Variants in MRPS6 observed in about 807,000 individuals in gnomAD.
MRPS6 encodes small ribosomal subunit protein bS6m.
MRPS6 carries 6 observed loss-of-function variants against 13.1 expected under a neutral mutation model. The ratio of observed to expected loss-of-function variants is 0.46; its 90% confidence interval spans 0.25 to 0.91. The LOEUF (loss-of-function observed/expected upper bound fraction) is 0.91. MRPS6 is among the 40% of genes least tolerant of loss of function. MRPS6 has a pLI of 0.18. For missense variants in MRPS6, 164 were observed against 155.6 expected, an observed-to-expected ratio of 1.05 and a Z score of -0.29; for synonymous variants, 61 against 56.5, an observed-to-expected ratio of 1.08 and a Z score of -0.36.
At chr21:34,077,797 A>G (rs1190045158) in intron 1 of MRPS6, among the ~76,000 whole-genome samples, 1 of 152,224 alleles carries the variant, frequency 6.6e-6, no homozygotes, top group African/African-American at 2.4e-5. Context: ...ATAGAAAAGT[A>G]TAATCAGTTC....
chr21:34,103,971 G>A (rs1979361746), intron 1 of MRPS6: 3 of 999,904 alleles, frequency 3.0e-6, no homozygotes, highest in Non-Finnish European at 1.2e-6. Context: ...AGTGTGATTG[G>A]GGTTTTTTGT....
At chr21:34,112,934 A>G (rs1374891422) in intron 1 of MRPS6, among the ~76,000 whole-genome samples, 1 of 152,114 alleles carries the variant, frequency 6.6e-6, no homozygotes, top group Non-Finnish European at 1.5e-5. Flanking sequence ...AGGTGGGTGG[A>G]TCGCTTGACG....
intron 2 of MRPS6, among the ~76,000 whole-genome samples, chr21:34,130,698 G>A (rs1438757455): frequency 6.6e-6 from 1 of 152,204 alleles, no homozygotes; most frequent in Non-Finnish European, 1.5e-5. Flanking sequence ...TATTGCTCCA[G>A]CTTTCAAACA....
At chr21:34,106,861 A>C (rs909278421) in intron 1 of MRPS6, among the ~76,000 whole-genome samples, 2 of 151,828 alleles carry the variant, frequency 1.3e-5, no homozygotes, top group East Asian at 1.9e-4. Flanking sequence ...CATTGCATTT[A>C]GCTTTTATGT....
chr21:34,080,887 A>G, intron 1 of MRPS6, among the ~76,000 whole-genome samples: 1 of 152,358 alleles, frequency 6.6e-6, no homozygotes, highest in East Asian at 1.9e-4. Context: ...AAGTCAGTGC[A>G]CTTCGCTCAC....
intron 1 of MRPS6, among the ~76,000 whole-genome samples, chr21:34,090,804 C>G (rs1978645806): frequency 6.6e-6 from 1 of 152,038 alleles, no homozygotes; most frequent in Non-Finnish European, 1.5e-5. Flanking sequence ...GAAGTTGTTG[C>G]CTGAGATCCT....
intron 2 of MRPS6, among the ~76,000 whole-genome samples, chr21:34,134,088 T>G (rs1323044289): frequency 6.6e-6 from 1 of 152,210 alleles, no homozygotes; most frequent in African/African-American, 2.4e-5. Flanking sequence ...GATTTGAGGT[T>G]GATCACACTA....
At chr21:34,074,795 A>G (rs1424837478) in intron 1 of MRPS6, among the ~76,000 whole-genome samples, 2 of 152,256 alleles carry the variant, frequency 1.3e-5, no homozygotes, top group African/African-American at 4.8e-5. Flanking sequence ...ATTAGGCTCC[A>G]GGTCAATTGC....
intron 1 of MRPS6, among the ~76,000 whole-genome samples, chr21:34,078,241 A>G (rs1989379831): frequency 6.6e-6 from 1 of 152,246 alleles, no homozygotes; most frequent in East Asian, 1.9e-4. Flanking sequence ...GCAACTTAAA[A>G]TAGTTACCTA....
chr21:34,120,381 G>A (rs1980076794), intron 1 of MRPS6, among the ~76,000 whole-genome samples: 1 of 152,148 alleles, frequency 6.6e-6, no homozygotes, highest in Non-Finnish European at 1.5e-5. Flanking sequence ...ATATGTTCTT[G>A]TTTACAAAAT....
chr21:34,130,385 C>G (rs1230302557), intron 2 of MRPS6, among the ~76,000 whole-genome samples: 1 of 152,126 alleles, frequency 6.6e-6, no homozygotes, highest in Non-Finnish European at 1.5e-5. Context: ...GGGCAGTCTG[C>G]ATGGTGACTG....
At chr21:34,095,277 G>A (rs766918038) in intron 1 of MRPS6, 1 of 1,614,002 alleles carries the variant, frequency 6.2e-7, no homozygotes, top group Non-Finnish European at 8.5e-7. Context: ...TGGTTTTTTT[G>A]CCATGTGGAA....
rs368599156 is a variant in MRPS6, at chr21:34,116,853, G to C, written c.46-8488G>C. ...AAAGATCAGTTCCTGGTCAGCATAAGTAAACAAGCCTCTTTAAGATAAATT... is the reference window on the plus strand; with the variant it reads ...AAAGATCAGTTCCTGGTCAGCATAACTAAACAAGCCTCTTTAAGATAAATT... On this transcript the variant is annotated intron_variant, in intron 1 of 2. Coordinates refer to ENST00000399312, the MANE Select transcript of MRPS6 (RefSeq NM_032476.4). Among the ~76,000 whole-genome samples, 10 of 152,062 alleles carry C rather than the reference G, an allele frequency of 6.6e-5. No individual in the cohort carries two copies. In the East Asian group the frequency reaches 7.7e-4, roughly 12 times the overall value.
At chr21:34,117,293 G>T (rs186495840) in intron 1 of MRPS6, among the ~76,000 whole-genome samples, 2 of 152,106 alleles carry the variant, frequency 1.3e-5, no homozygotes. Context: ...CCTTTCGTCT[G>T]CTGTTAGTTC....
At chr21:34,133,122 C>A (rs77101536) in intron 2 of MRPS6, among the ~76,000 whole-genome samples, 3,130 of 152,266 alleles carry the variant, frequency 0.021, 104 homozygotes, top group African/African-American at 0.07. Flanking sequence ...TCTCTTTCAT[C>A]CTCTTCCTCA....
chr21:34,100,456 C>T, intron 1 of MRPS6: 2 of 1,000,246 alleles, frequency 2.0e-6, no homozygotes, highest in Non-Finnish European at 2.4e-6. Flanking sequence ...ATTAGAGAAG[C>T]ATCAAGCAAT....
At chr21:34,126,497 A>G (rs1278224731) in intron 2 of MRPS6, among the ~76,000 whole-genome samples, 1 of 152,202 alleles carries the variant, frequency 6.6e-6, no homozygotes, top group African/African-American at 2.4e-5. Context: ...AACACCTCTG[A>G]AGAGAATGCC....
chr21:34,097,251 T>G, intron 1 of MRPS6: 1 of 1,614,066 alleles, frequency 6.2e-7, no homozygotes. Context: ...GGCTGTTTGT[T>G]TACAGATGCT....
intron 2 of MRPS6, among the ~76,000 whole-genome samples, chr21:34,134,422 GC>G (rs1264423877): frequency 2.0e-5 from 3 of 152,158 alleles, no homozygotes; most frequent in Non-Finnish European, 4.4e-5. Flanking sequence ...GCTCCCTGTT[GC>G]CTCCATCCCA....
Sources: gnomAD v4.1 joint callset for allele counts (sites outside exome capture counted in the v4.1 genomes callset) on GRCh38, gnomAD v4.1.1 for gene constraint, MANE v1.5 for transcripts, NCBI Gene and HGNC (gene_info 2026-07-23, HGNC 2026-07-21) for gene names.